The following KPNA7 variants were observed in gnomAD, a reference collection of about 807,000 sequenced individuals.
KPNA7 encodes the protein karyopherin subunit alpha 7, also known as importin subunit alpha-8.
KPNA7 carries 54 observed loss-of-function variants against 53.7 expected under a neutral mutation model. The ratio of observed to expected loss-of-function variants is 1.01; its 90% confidence interval spans 0.81 to 1.26. The LOEUF (loss-of-function observed/expected upper bound fraction) is 1.26. KPNA7 is among the 50% of genes most tolerant of loss of function. KPNA7 has a pLI of 0.00. For missense variants in KPNA7, 640 were observed against 644.5 expected, an observed-to-expected ratio of 0.99 and a Z score of 0.07; for synonymous variants, 276 against 259.3, an observed-to-expected ratio of 1.06 and a Z score of -0.62.
At chr7:99,195,982 T>C (rs1790210138) in intron 4 of KPNA7, 102 bp downstream of exon 4, 2 of 884,122 alleles carry the variant, frequency 2.3e-6, no homozygotes, top group Non-Finnish European at 3.6e-6. Flanking sequence ...TACGGGCATG[T>C]TGCCAATGCC....
chr7:99,201,104 A>C (rs1176925825), intron 3 of KPNA7, among the ~76,000 whole-genome samples: 1 of 152,240 alleles, frequency 6.6e-6, no homozygotes, highest in African/African-American at 2.4e-5. Context: ...ACAAAAGCTC[A>C]CATGTTTATA....
chr7:99,153,892 T>C, the KPNA7 span, among the ~76,000 whole-genome samples: 27 of 151,922 alleles, frequency 1.8e-4, no homozygotes, highest in Non-Finnish European at 1.0e-4. Context: ...GGAGGATCAT[T>C]TGAGCCCAGG....
chr7:99,179,374 T>G (rs1485777704), intron 9 of KPNA7, among the ~76,000 whole-genome samples: 1 of 151,506 alleles, frequency 6.6e-6, no homozygotes, highest in Non-Finnish European at 1.5e-5. Context: ...GTAGGCAACA[T>G]AGCAAGACCC....
chr7:99,169,533 G>T (rs535544789), downstream of KPNA7, among the ~76,000 whole-genome samples: 1 of 151,590 alleles, frequency 6.6e-6, no homozygotes, highest in Non-Finnish European at 1.5e-5. Flanking sequence ...CAGGAGAATC[G>T]CTTGAACCTG....
the KPNA7 span, among the ~76,000 whole-genome samples, chr7:99,165,428 G>A: frequency 6.6e-6 from 1 of 152,104 alleles, no homozygotes; most frequent in East Asian, 1.9e-4. Flanking sequence ...ATATGGGATG[G>A]CACAGCCCCT....
intron 8 of KPNA7, among the ~76,000 whole-genome samples, 161 bp from the exon 9 acceptor site, chr7:99,182,226 C>A (rs1204946039): frequency 1.3e-5 from 2 of 152,028 alleles, no homozygotes; most frequent in Non-Finnish European, 2.9e-5. Context: ...TCTTTCCCCC[C>A]TCACTCTGTC....
At chr7:99,212,787 G>C (rs1338040382), upstream of KPNA7, among the ~76,000 whole-genome samples, 1 of 152,004 alleles carries the variant, frequency 6.6e-6, no homozygotes, top group Admixed American at 6.6e-5. Context: ...TATAGTCCCA[G>C]ATACTCGGTG....
chr7:99,180,019 G>A (rs184951500), intron 9 of KPNA7, among the ~76,000 whole-genome samples: 8 of 152,280 alleles, frequency 5.3e-5, no homozygotes, highest in Admixed American at 3.9e-4. Flanking sequence ...TAACCAATAG[G>A]ATGTTGTGGA....
At chr7:99,205,524 T>A (rs1428693584) in intron 2 of KPNA7, among the ~76,000 whole-genome samples, 1 of 150,258 alleles carries the variant, frequency 6.7e-6, no homozygotes, top group Non-Finnish European at 1.5e-5. Flanking sequence ...ATTCCCAAGG[T>A]GGAGCTAAAC....
At chr7:99,160,037 T>TG in the KPNA7 span, among the ~76,000 whole-genome samples, 21 of 145,708 alleles carry the variant, frequency 1.4e-4, no homozygotes, top group East Asian at 5.9e-4. Flanking sequence ...TTTTTTTTTT[T>TG]TTTTTGAGAC....
intron 8 of KPNA7, 80 bp downstream of exon 8, chr7:99,184,849 G>T: frequency 8.5e-7 from 1 of 1,177,314 alleles, no homozygotes; most frequent in Non-Finnish European, 1.2e-6. Flanking sequence ...TTCTGCACCT[G>T]TGTCTGGATT....
intron 1 of KPNA7, among the ~76,000 whole-genome samples, chr7:99,219,319 G>A (rs571405269): frequency 1.2e-4 from 19 of 152,292 alleles, no homozygotes; most frequent in African/African-American, 4.3e-4. Context: ...CATTCTGGAC[G>A]TTTAAGGCTC....
chr7:99,212,188 T>A (rs1791089869), upstream of KPNA7, among the ~76,000 whole-genome samples: 1 of 149,148 alleles, frequency 6.7e-6, no homozygotes, highest in Non-Finnish European at 1.5e-5. Flanking sequence ...GCCTCAGCAC[T>A]GGGAGATCAG....
the KPNA7 span, among the ~76,000 whole-genome samples, chr7:99,164,572 A>G: frequency 6.6e-6 from 1 of 152,108 alleles, no homozygotes; most frequent in African/African-American, 2.4e-5. Context: ...ACCATGGCAC[A>G]TGTATACATA....
chr7:99,193,984 A>G (rs1790097081), intron 5 of KPNA7, among the ~76,000 whole-genome samples: 1 of 152,140 alleles, frequency 6.6e-6, no homozygotes, highest in Non-Finnish European at 1.5e-5. Flanking sequence ...AGCCTCTGCA[A>G]GCTTTTGTTT....
intron 10 of KPNA7, among the ~76,000 whole-genome samples, chr7:99,176,091 G>A (rs10274255): frequency 0.03 from 4,516 of 151,768 alleles, 230 homozygotes; most frequent in African/African-American, 0.1. Flanking sequence ...GAGGTCAGGA[G>A]ATCAAGACCA....
At chr7:99,216,924 G>A (rs1334520192) in intron 1 of KPNA7, among the ~76,000 whole-genome samples, 3 of 152,072 alleles carry the variant, frequency 2.0e-5, no homozygotes, top group Non-Finnish European at 2.9e-5. Context: ...TCTTATTAAC[G>A]GTATTGAGTC....
downstream of KPNA7, among the ~76,000 whole-genome samples, chr7:99,171,800 A>T (rs1261037256): frequency 6.6e-6 from 1 of 152,152 alleles, no homozygotes; most frequent in African/African-American, 2.4e-5. Context: ...GAGATCCTGC[A>T]AACAGGGACA....
intron 8 of KPNA7, among the ~76,000 whole-genome samples, chr7:99,184,068 C>T (rs151111829): frequency 1.3e-5 from 2 of 151,228 alleles, no homozygotes; most frequent in Admixed American, 6.6e-5. Context: ...AGGCTGGTAT[C>T]GAACCCCTGA....
Sources: gnomAD v4.1 joint callset for allele counts (sites outside exome capture counted in the v4.1 genomes callset) on GRCh38, gnomAD v4.1.1 for gene constraint, MANE v1.5 for transcripts, NCBI Gene and HGNC (gene_info 2026-07-23, HGNC 2026-07-21) for gene names.